VANGL1: variants seen among roughly 807,000 people sequenced by gnomAD.
VANGL1 encodes the protein vang-like protein 1.
A neutral mutation model predicts 48.4 loss-of-function variants in VANGL1; 18 were observed. The observed-to-expected ratio is 0.37, with a 90% CI of 0.26 to 0.55. The LOEUF (loss-of-function observed/expected upper bound fraction) is 0.55, where lower values mean the gene tolerates loss of function less well. VANGL1 is among the 20% of genes least tolerant of loss of function. The pLI is 0.81. For synonymous variants in VANGL1, 257 were observed against 261.8 expected, an observed-to-expected ratio of 0.98 and a Z score of 0.18; for missense variants, 667 against 675.8, an observed-to-expected ratio of 0.99 and a Z score of 0.14.
At chr1:115,649,526 A>T (rs546596533) in intron 1 of VANGL1, among the ~76,000 whole-genome samples, 1 of 152,348 alleles carries the variant, frequency 6.6e-6, no homozygotes, top group Admixed American at 6.5e-5. Context: ...AGACAGAGGA[A>T]CAAGCATTTC....
chr1:115,657,329 G>T (rs111917068), intron 2 of VANGL1, among the ~76,000 whole-genome samples: 2 of 152,230 alleles, frequency 1.3e-5, no homozygotes, highest in African/African-American at 4.8e-5. Context: ...TCTTCAACAC[G>T]GTGCACCATA....
intron 1 of VANGL1, among the ~76,000 whole-genome samples, chr1:115,647,593 A>C (rs1190712629): frequency 6.6e-6 from 1 of 152,210 alleles, no homozygotes; most frequent in Non-Finnish European, 1.5e-5. Context: ...AACTATTAGA[A>C]ACGGTATGAC....
chr1:115,655,491 C>G (rs1570742064), intron 2 of VANGL1, among the ~76,000 whole-genome samples: 1 of 152,168 alleles, frequency 6.6e-6, no homozygotes, highest in Admixed American at 6.5e-5. Flanking sequence ...ACACAACACG[C>G]ACAGATATAC....
intron 6 of VANGL1, among the ~76,000 whole-genome samples, chr1:115,684,304 A>G (rs1653511438): frequency 6.6e-6 from 1 of 151,562 alleles, no homozygotes; most frequent in South Asian, 2.1e-4. Context: ...ACGCCCGGCT[A>G]ATATTTGGTA....
At chr1:115,657,136 T>C (rs1403755244) in intron 2 of VANGL1, among the ~76,000 whole-genome samples, 1 of 152,234 alleles carries the variant, frequency 6.6e-6, no homozygotes, top group East Asian at 1.9e-4. Context: ...GGGTGCCTTT[T>C]GAAGTGATTG....
chr1:115,663,950 T>C lies in VANGL1; in HGVS notation c.494T>C (p.Ile165Thr), dbSNP rs1441415101. The C allele has an allele frequency of 3.1e-6, 5 of 1,614,114 alleles. No homozygotes were observed. In the Admixed American group the frequency reaches 6.7e-5, roughly 22 times the overall value. Residue 165 changes from isoleucine (I) to threonine (T), a missense_variant, in exon 4 of 8, where the codon ATA becomes ACA. Ile to Thr is a moderately conservative substitution (Grantham distance 89). Coordinates refer to ENST00000355485, the MANE Select transcript of VANGL1 (RefSeq NM_138959.3). Reference sequence around the variant, plus strand: ...GCATTCAAACTCCTCATTCTGCTCATAGGGACCTGGGCACTTTTTTTCCGC... The same window carrying C: ...GCATTCAAACTCCTCATTCTGCTCACAGGGACCTGGGCACTTTTTTTCCGC... ...SMAFKLLILLIGTWALFFRKR... is the reference protein window; with the variant it reads ...SMAFKLLILLTGTWALFFRKR...
intron 3 of VANGL1, 37 bp from the exon 4 acceptor site, chr1:115,663,624 C>T (rs1220908650): frequency 6.2e-7 from 1 of 1,613,764 alleles, no homozygotes; most frequent in Non-Finnish European, 8.5e-7. Context: ...TACAAATGAC[C>T]TGTGTCATGT....
At chr1:115,669,545 G>GT (rs1367841159) in intron 4 of VANGL1, among the ~76,000 whole-genome samples, 1 of 152,154 alleles carries the variant, frequency 6.6e-6, no homozygotes, top group African/African-American at 2.4e-5. Flanking sequence ...CCCCCATACT[G>GT]TTCCTGTGGT....
intron 5 of VANGL1, 36 bp from the exon 6 acceptor site, chr1:115,683,908 T>A: frequency 1.2e-6 from 2 of 1,610,224 alleles, no homozygotes; most frequent in Non-Finnish European, 1.7e-6. Flanking sequence ...ACCCTCGTGG[T>A]ATTAACACTA....
intron 3 of VANGL1, among the ~76,000 whole-genome samples, chr1:115,661,000 G>A (rs1652526064): frequency 6.6e-6 from 1 of 152,118 alleles, no homozygotes; most frequent in Non-Finnish European, 1.5e-5. Flanking sequence ...GGTGCCAGTG[G>A]CCTACAGCAA....
chr1:115,653,409 CA>C (rs1041814003), intron 2 of VANGL1, among the ~76,000 whole-genome samples: 1 of 152,168 alleles, frequency 6.6e-6, no homozygotes, highest in Non-Finnish European at 1.5e-5. Flanking sequence ...ATACCAGAAA[CA>C]GCTGTTTTAA....
intron 4 of VANGL1, among the ~76,000 whole-genome samples, chr1:115,667,379 A>C (rs1277048438): frequency 6.6e-6 from 1 of 152,240 alleles, no homozygotes; most frequent in Non-Finnish European, 1.5e-5. Flanking sequence ...AAATGTAAAA[A>C]GTTGTTGCAG....
intron 2 of VANGL1, among the ~76,000 whole-genome samples, chr1:115,653,639 C>T (rs901666606): frequency 1.3e-5 from 2 of 152,164 alleles, no homozygotes; most frequent in African/African-American, 4.8e-5. Flanking sequence ...CTACGCTCTG[C>T]TATTTCCTTA....
chr1:115,649,049 A>G (rs553227215), intron 1 of VANGL1, among the ~76,000 whole-genome samples: 76 of 152,234 alleles, frequency 5.0e-4, no homozygotes, highest in Admixed American at 4.9e-3. Context: ...AGCACATCCT[A>G]ATGTTGACGT....
At position 115,664,028 on chromosome 1, in the gene VANGL1, T is replaced by C. The variant is rs781010619; in HGVS notation, c.572T>C (p.Val191Ala). The change falls in exon 4 of 8, where the codon GTC becomes GCC. Residue 191 changes from valine (V) to alanine (A), a missense_variant. Val to Ala is a moderately conservative substitution (Grantham distance 64). Transcript: ENST00000355485. ...RVFVFRALLL[V>A]LIFLFVVSYW... ...TTTGTGTTTCGTGCCCTTTTGTTGGTCCTCATCTTTCTCTTTGTGGTTTCC... is the reference window on the plus strand; with the variant it reads ...TTTGTGTTTCGTGCCCTTTTGTTGGCCCTCATCTTTCTCTTTGTGGTTTCC... 25 of 1,614,088 alleles carry C rather than the reference T, an allele frequency of 1.5e-5. No homozygotes were observed. In the East Asian group the frequency reaches 5.3e-4, roughly 35 times the overall value.
chr1:115,651,382 G>C lies in VANGL1; in HGVS notation c.-32G>C, dbSNP rs371100144. The C allele has an allele frequency of 2.2e-5, 35 of 1,604,204 alleles. No individual in the cohort carries two copies. Among genetic ancestry groups the C allele is most frequent in the Non-Finnish European group, 6.8e-6 (8 of 1,172,066 alleles). On this transcript the variant is annotated 5_prime_UTR_variant, in exon 2 of 8. Transcript: ENST00000355485. ...CTACCTCTAAGGAGAAACAGTACCT[G>C]CTCCTTCCTCAAGCGCAAGCCCTCC...
intron 4 of VANGL1, among the ~76,000 whole-genome samples, chr1:115,677,741 G>A (rs1421924880): frequency 1.3e-5 from 2 of 152,120 alleles, no homozygotes; most frequent in Non-Finnish European, 2.9e-5. Context: ...GTTTCTGAGG[G>A]GGCTGAGTCC....
rs751663783 is a variant in VANGL1 at position 115,696,445 on chromosome 1, C to T, written c.*5066C>T. On this transcript the variant is annotated 3_prime_UTR_variant, in exon 8 of 8. Transcript: ENST00000355485. ...ACAGGACTCAGAAAACCATTTTTCT[C>T]TGTTCCCATATGTAGTAAGTTTTGA... 2 of 152,330 alleles carry T rather than the reference C, an allele frequency of 1.3e-5. No individual in the cohort carries two copies. The highest frequency in any genetic ancestry group is 2.9e-5 in the Non-Finnish European group (2 of 68,032). The allele number at this position is 152,330 out of a possible 1,614,324, so 9.4% of individuals were successfully genotyped here.
intron 4 of VANGL1, among the ~76,000 whole-genome samples, chr1:115,668,327 G>A (rs145857408): frequency 2.3e-4 from 35 of 152,300 alleles, no homozygotes; most frequent in African/African-American, 8.2e-4. Context: ...ACATTATCCT[G>A]TTTCACTTAA....
Sources: gnomAD v4.1 joint callset for allele counts (sites outside exome capture counted in the v4.1 genomes callset) on GRCh38, gnomAD v4.1.1 for gene constraint, MANE v1.5 for transcripts, NCBI Gene and HGNC (gene_info 2026-07-23, HGNC 2026-07-21) for gene names.